The following YIPF4 variants were observed in gnomAD, a reference collection of about 807,000 sequenced individuals.
YIPF4 encodes the protein Yip1 domain family member 4.
A neutral mutation model predicts 29.4 loss-of-function variants in YIPF4; 18 were observed. The ratio of observed to expected loss-of-function variants is 0.61; its 90% confidence interval spans 0.42 to 0.91. The LOEUF (loss-of-function observed/expected upper bound fraction) is 0.91, where lower values mean the gene tolerates loss of function less well. Among genes scored for constraint, YIPF4 ranks in the 40% least tolerant of loss-of-function variants. YIPF4 has a pLI of 0.00. For synonymous variants in YIPF4, 115 were observed against 104.7 expected, an observed-to-expected ratio of 1.10 and a Z score of -0.60; for missense variants, 279 against 282.7, an observed-to-expected ratio of 0.99 and a Z score of 0.09.
chr2:32,279,740 T>C (rs2030305962), intron 1 of YIPF4, among the ~76,000 whole-genome samples: 1 of 152,046 alleles, frequency 6.6e-6, no homozygotes, highest in Non-Finnish European at 1.5e-5. Flanking sequence ...AGAAATTTTA[T>C]GGTGTATCAG....
chr2:32,282,161 T>G (rs765493322), intron 1 of YIPF4, among the ~76,000 whole-genome samples: 3 of 152,042 alleles, frequency 2.0e-5, no homozygotes, highest in Non-Finnish European at 4.4e-5. Flanking sequence ...CCAGGTGTGA[T>G]AGCATGCACC....
At chr2:32,283,047 C>T (rs892328569) in intron 1 of YIPF4, among the ~76,000 whole-genome samples, 3 of 149,900 alleles carry the variant, frequency 2.0e-5, no homozygotes, top group Admixed American at 6.6e-5. Context: ...ACTGCACTCC[C>T]GCCTGGGCGA....
chr2:32,287,437 C>G (rs112453219), intron 1 of YIPF4, among the ~76,000 whole-genome samples: 1 of 152,040 alleles, frequency 6.6e-6, no homozygotes, highest in Non-Finnish European at 1.5e-5. Flanking sequence ...GCTCTTGTTG[C>G]TTATTAAATA....
At chr2:32,294,435 C>T (rs1191838549) in intron 3 of YIPF4, among the ~76,000 whole-genome samples, 7 of 151,504 alleles carry the variant, frequency 4.6e-5, no homozygotes, top group East Asian at 3.9e-4. Context: ...GACGGGGCGG[C>T]GGGGCAAAGG....
intron 5 of YIPF4, among the ~76,000 whole-genome samples, chr2:32,302,785 A>G (rs1013185634): frequency 1.3e-5 from 2 of 152,182 alleles, no homozygotes; most frequent in Non-Finnish European, 2.9e-5. Flanking sequence ...CTTCCACATG[A>G]AAGTATTTGT....
chr2:32,294,473 G>A (rs2031085864), intron 3 of YIPF4, among the ~76,000 whole-genome samples: 2 of 151,800 alleles, frequency 1.3e-5, no homozygotes, highest in Non-Finnish European at 2.9e-5. Context: ...ACGATGGGCG[G>A]CCGGGCAGAG....
intron 1 of YIPF4, among the ~76,000 whole-genome samples, chr2:32,288,524 C>G (rs1403660786): frequency 2.0e-5 from 3 of 152,120 alleles, no homozygotes; most frequent in Admixed American, 6.6e-5. Flanking sequence ...AAAAAACACT[C>G]TTGGCCTGGC....
chr2:32,284,153 G>A (rs1475209736), intron 1 of YIPF4, among the ~76,000 whole-genome samples: 1 of 152,110 alleles, frequency 6.6e-6, no homozygotes, highest in Non-Finnish European at 1.5e-5. Context: ...GGGGATATAT[G>A]TACCAAGACA....
Position 32,305,504 on chromosome 2 carries a change from T to C in YIPF4, c.613T>C (p.Trp205Arg). 6.3e-7 allele frequency: 1 copy of C among 1,596,124 alleles called. No homozygotes were observed. Among genetic ancestry groups the C allele is most frequent in the Non-Finnish European group, 8.5e-7 (1 of 1,171,866 alleles). The change falls in exon 6 of 6, where the codon TGG becomes CGG. Residue 205 changes from tryptophan to arginine, a missense_variant. By Grantham distance (101) the Trp-to-Arg change is moderately radical. Coordinates refer to ENST00000238831, the MANE Select transcript of YIPF4 (RefSeq NM_032312.4). ...TTTTTTAAAGCTGTTTGGTGTGTTT[T>C]GGGCTGCCTACAGTGCTGCTTCATT... ...STLIKLFGVF[W>R]AAYSAASLLV...
chr2:32,289,663 T>C (rs72865565), intron 1 of YIPF4, among the ~76,000 whole-genome samples: 5,978 of 152,292 alleles, frequency 0.039, 250 homozygotes, highest in African/African-American at 0.11. Context: ...ATTTTTTAAC[T>C]AGCAAAGATG....
At position 32,316,080 on chromosome 2, in the gene YIPF4, G is replaced by C. The variant is rs1285914130; in HGVS notation, c.*10454G>C. 4 of 149,568 alleles carry C rather than the reference G, an allele frequency of 2.7e-5. No individual in the cohort carries two copies. The highest frequency in any genetic ancestry group is 1.5e-5 in the Non-Finnish European group (1 of 67,486). The allele number at this position is 149,568 out of a possible 1,614,324, so 9.3% of individuals were successfully genotyped here. The stretch of plus-strand genomic sequence containing the variant: ...AAAGTATAAAGCACAGAAGCGAAAG[G>C]AAAAGTGATGAAGACACTTGAAGAC... On this transcript the variant is annotated 3_prime_UTR_variant, in exon 6 of 6. Transcript: ENST00000238831.
intron 1 of YIPF4, among the ~76,000 whole-genome samples, chr2:32,284,904 G>A (rs2030600642): frequency 6.6e-6 from 1 of 152,152 alleles, no homozygotes; most frequent in Non-Finnish European, 1.5e-5. Flanking sequence ...GATAGGGCAT[G>A]TAGAGATTAT....
At position 32,315,504 on chromosome 2, in the gene YIPF4, C is replaced by G. The variant is rs2031806197; in HGVS notation, c.*9878C>G. 6.6e-6 allele frequency: 1 copy of G among 152,550 alleles called. No homozygotes were observed. The allele number at this position is 152,550 out of a possible 1,614,324, so 9.4% of individuals were successfully genotyped here. ...GTGGCTCACGCCTGAAATCCCAGCA[C>G]TTTGGGAGGCCGAGGCGGGCGGATC... On this transcript the variant is annotated 3_prime_UTR_variant, in exon 6 of 6. Coordinates refer to ENST00000238831, the MANE Select transcript of YIPF4 (RefSeq NM_032312.4).
chr2:32,283,539 G>T (rs1461381454), intron 1 of YIPF4, among the ~76,000 whole-genome samples: 1 of 152,058 alleles, frequency 6.6e-6, no homozygotes, highest in Non-Finnish European at 1.5e-5. Context: ...CTCGCCTTAA[G>T]TTAAAACCTA....
chr2:32,280,383 A>AT lies in YIPF4; in HGVS notation c.79+2163dup, dbSNP rs1223011054. On this transcript the variant is annotated intron_variant, in intron 1 of 5. Coordinates refer to ENST00000238831, the MANE Select transcript of YIPF4 (RefSeq NM_032312.4). ...CTGATCTTGTGATCCGCCCAGGCTA[A>AT]TTTTTTTTTTTTTTGAGACAGAGTC... Among the ~76,000 whole-genome samples the AT allele has an allele frequency of 5.0e-3, 617 of 123,902 alleles. 2 individuals are homozygous for AT. Among genetic ancestry groups the AT allele is most frequent in the Middle Eastern group, 0.043 (9 of 208 alleles). The allele number at this position is 123,902 out of a possible 152,430, so 81.3% of individuals were successfully genotyped here.
At chr2:32,290,326 G>C (rs2030855504) in intron 1 of YIPF4, among the ~76,000 whole-genome samples, 157 bp from the exon 2 acceptor site, 1 of 152,078 alleles carries the variant, frequency 6.6e-6, no homozygotes, top group Non-Finnish European at 1.5e-5. Context: ...ATGGTTTTTA[G>C]ATGTCTGTCA....
chr2:32,304,349 T>C (rs1198572241), intron 5 of YIPF4, among the ~76,000 whole-genome samples: 2 of 152,188 alleles, frequency 1.3e-5, no homozygotes, highest in Admixed American at 1.3e-4. Flanking sequence ...CAAATGCAGT[T>C]TGATCAAATT....
At chr2:32,304,434 T>G (rs2031509285) in intron 5 of YIPF4, among the ~76,000 whole-genome samples, 4 of 152,134 alleles carry the variant, frequency 2.6e-5, no homozygotes. Context: ...TTTTTTAAGT[T>G]CAACAAACCC....
rs1558484616 is a variant in YIPF4 at position 32,310,511 on chromosome 2, G to T, written c.*4885G>T. 3 of 152,032 alleles carry T rather than the reference G, an allele frequency of 2.0e-5. No homozygotes were observed. 9.4% of individuals were successfully genotyped at this position (152,032 alleles called of 1,614,324 possible). A position where few individuals can be genotyped will look rare whatever the true frequency, so the allele number is the denominator to read the frequency against. On this transcript the variant is annotated 3_prime_UTR_variant, in exon 6 of 6. Coordinates refer to ENST00000238831, the MANE Select transcript of YIPF4 (RefSeq NM_032312.4). ...CCTGCAGAATCCAAGTATACAAAAAGTAGGCCTATCATTTATATGGGTTTT... is the reference window on the plus strand; with the variant it reads ...CCTGCAGAATCCAAGTATACAAAAATTAGGCCTATCATTTATATGGGTTTT...
Sources: allele counts gnomAD v4.1 joint callset (sites outside exome capture counted in the v4.1 genomes callset), GRCh38; gene constraint gnomAD v4.1.1; transcripts MANE v1.5; gene names NCBI Gene and HGNC (gene_info 2026-07-23, HGNC 2026-07-21).